DCC: variants seen among roughly 807,000 people sequenced by gnomAD.
The protein encoded by DCC is DCC netrin 1 receptor, also known as netrin receptor DCC.
A neutral mutation model predicts 172.5 loss-of-function variants in DCC; 58 were observed. The observed-to-expected ratio is 0.34, with a 90% CI of 0.27 to 0.42. The LOEUF is 0.42. Ranked by LOEUF, DCC falls within the 10% of genes least tolerant of loss-of-function variation. The pLI is 1.00. For missense variants in DCC, 1,740 were observed against 1,791.0 expected, an observed-to-expected ratio of 0.97 and a Z score of 0.51; for synonymous variants, 709 against 644.5, an observed-to-expected ratio of 1.10 and a Z score of -1.52.
intron 1 of DCC, among the ~76,000 whole-genome samples, chr18:52,709,817 CTG>C (rs1286886317): frequency 6.6e-6 from 1 of 152,066 alleles, no homozygotes; most frequent in Non-Finnish European, 1.5e-5. Flanking sequence ...AGGAAAGAAA[CTG>C]TATAAATGGA....
intron 15 of DCC, among the ~76,000 whole-genome samples, chr18:53,342,716 A>G (rs980577566): frequency 1.4e-5 from 2 of 146,576 alleles, no homozygotes; most frequent in Non-Finnish European, 1.5e-5. Flanking sequence ...ATATACATAT[A>G]TTAGAAATAC....
chr18:52,349,137 A>G lies in DCC; in HGVS notation c.91+8259A>G, dbSNP rs16954735. 3.4e-3 allele frequency among the ~76,000 whole-genome samples: 522 copies of G among 152,322 alleles called. 7 individuals carry two copies. The highest frequency in any genetic ancestry group is 0.012 in the African/African-American group (494 of 41,578). On this transcript the variant is annotated intron_variant, in intron 1 of 28. Transcript: ENST00000442544. ...AATATCATTGTTACATTTATGGCATATATAACTGTGGGTTTCAAACAAACG... is the reference window on the plus strand; with the variant it reads ...AATATCATTGTTACATTTATGGCATGTATAACTGTGGGTTTCAAACAAACG...
chr18:53,060,232 C>A (rs1264440137), intron 5 of DCC, among the ~76,000 whole-genome samples: 1 of 152,002 alleles, frequency 6.6e-6, no homozygotes, highest in East Asian at 1.9e-4. Flanking sequence ...TGGGGTTTCA[C>A]TATGTTGGCC....
chr18:53,005,413 A>G (rs1035967948), intron 5 of DCC, among the ~76,000 whole-genome samples: 6 of 152,094 alleles, frequency 3.9e-5, no homozygotes, highest in Non-Finnish European at 7.4e-5. Context: ...TAAACACACA[A>G]AGACTGTGTT....
At chr18:53,256,385 T>TTGTA (rs2056514818) in intron 12 of DCC, among the ~76,000 whole-genome samples, 1 of 152,220 alleles carries the variant, frequency 6.6e-6, no homozygotes, top group East Asian at 1.9e-4. Flanking sequence ...GAATTAATTT[T>TTGTA]TGTATAAGGT....
chr18:52,468,498 C>T (rs924822580), intron 1 of DCC, among the ~76,000 whole-genome samples: 1 of 152,164 alleles, frequency 6.6e-6, no homozygotes, highest in Non-Finnish European at 1.5e-5. Flanking sequence ...CCCATGCCTC[C>T]AAGCAAAACT....
chr18:53,094,734 G>A (rs2043061250), intron 7 of DCC, among the ~76,000 whole-genome samples: 2 of 152,188 alleles, frequency 1.3e-5, no homozygotes, highest in South Asian at 4.1e-4. Context: ...AATGTCTCCA[G>A]TGATTGCATC....
chr18:53,073,067 T>C (rs1470568556), intron 7 of DCC, among the ~76,000 whole-genome samples: 1 of 152,230 alleles, frequency 6.6e-6, no homozygotes. Flanking sequence ...ATCTAAGATA[T>C]ACACCTGCTT....
At chr18:53,407,330 T>G (rs1220257016) in intron 19 of DCC, among the ~76,000 whole-genome samples, 1 of 151,714 alleles carries the variant, frequency 6.6e-6, no homozygotes, top group East Asian at 1.9e-4. Context: ...CGATACCTCT[T>G]ATGTGAATAT....
At chr18:52,514,817 C>T (rs1225105932) in intron 1 of DCC, among the ~76,000 whole-genome samples, 1 of 152,072 alleles carries the variant, frequency 6.6e-6, no homozygotes, top group Non-Finnish European at 1.5e-5. Flanking sequence ...GAAATATTGC[C>T]ATATTTAGAT....
At chr18:52,881,789 T>C (rs972398345) in intron 2 of DCC, among the ~76,000 whole-genome samples, 1 of 152,132 alleles carries the variant, frequency 6.6e-6, no homozygotes, top group African/African-American at 2.4e-5. Context: ...ATTTGGGGTC[T>C]TCTGTGGTTC....
intron 5 of DCC, among the ~76,000 whole-genome samples, chr18:52,942,613 A>G (rs1182129543): frequency 6.6e-6 from 1 of 152,212 alleles, no homozygotes; most frequent in African/African-American, 2.4e-5. Context: ...AAAGAGAAAG[A>G]GAGATGCAAA....
At chr18:53,223,669 GT>G (rs1177647345) in intron 12 of DCC, among the ~76,000 whole-genome samples, 5 of 152,164 alleles carry the variant, frequency 3.3e-5, no homozygotes, top group Non-Finnish European at 5.9e-5. Context: ...GGTAAAAGCA[GT>G]TGCTAACTAT....
intron 12 of DCC, among the ~76,000 whole-genome samples, chr18:53,237,813 A>G (rs1356218825): frequency 6.6e-6 from 1 of 152,190 alleles, no homozygotes; most frequent in Non-Finnish European, 1.5e-5. Context: ...ATGTCTGACA[A>G]ACCGAGCTGC....
chr18:53,485,641 A>G (rs532981851), intron 25 of DCC, among the ~76,000 whole-genome samples: 2 of 152,236 alleles, frequency 1.3e-5, no homozygotes, highest in Non-Finnish European at 1.5e-5. Flanking sequence ...TTATAAATAT[A>G]CTGAAAAATA....
Position 53,413,055 on chromosome 18 carries a change from T to G in DCC, c.3130+2409T>G, listed in dbSNP as rs559948335. On this transcript the variant is annotated intron_variant, in intron 20 of 28. Coordinates refer to ENST00000442544, the MANE Select transcript of DCC (RefSeq NM_005215.4). ...CACTGTCAAACTATTGGAAGACTTA[T>G]GTCTATCTCTGCCCTATCCTGTGGG... Among the ~76,000 whole-genome samples, 11 of 152,276 alleles carry G rather than the reference T, an allele frequency of 7.2e-5. No individual in the cohort carries two copies. The East Asian group carries it at 2.1e-3, about 29-fold the overall frequency.
intron 3 of DCC, among the ~76,000 whole-genome samples, chr18:52,922,088 C>A (rs2040135795): frequency 6.6e-6 from 1 of 151,968 alleles, no homozygotes; most frequent in African/African-American, 2.4e-5. Context: ...AGCATACCAT[C>A]AGCAATTTTC....
intron 1 of DCC, among the ~76,000 whole-genome samples, chr18:52,544,435 T>TTCTC (rs1555695600): frequency 4.7e-5 from 2 of 42,862 alleles, no homozygotes; most frequent in African/African-American, 1.4e-4. Context: ...TTTTTTCTGT[T>TTCTC]TTTCTTTCTT....
chr18:53,365,126 C>G (rs2057989941), intron 15 of DCC, among the ~76,000 whole-genome samples: 1 of 150,934 alleles, frequency 6.6e-6, no homozygotes, highest in Non-Finnish European at 1.5e-5. Flanking sequence ...CTTCCTGTGT[C>G]TAAGTGTTTT....
Sources: gnomAD v4.1 joint callset for allele counts (sites outside exome capture counted in the v4.1 genomes callset) on GRCh38, gnomAD v4.1.1 for gene constraint, MANE v1.5 for transcripts, NCBI Gene and HGNC (gene_info 2026-07-23, HGNC 2026-07-21) for gene names.